The following GSE1 variants were observed in gnomAD, a reference collection of about 807,000 sequenced individuals.
GSE1 encodes genetic suppressor element 1.
Under a neutral mutation model 112.6 loss-of-function variants are expected in GSE1, and 32 were observed. The ratio of observed to expected loss-of-function variants is 0.28; its 90% CI spans 0.21 to 0.38. The LOEUF (loss-of-function observed/expected upper bound fraction) is 0.38, where lower values mean the gene tolerates loss of function less well. Ranked by LOEUF, GSE1 falls within the 10% of genes least tolerant of loss-of-function variation. The pLI, the probability that GSE1 is intolerant of heterozygous loss-of-function variation, is 1.00. For synonymous variants in GSE1, 1,115 were observed against 735.6 expected, an observed-to-expected ratio of 1.52 and a Z score of -8.35; for missense variants, 2,348 against 1,699.2, an observed-to-expected ratio of 1.38 and a Z score of -6.71.
At chr16:85,610,369 G>A (rs531921737), upstream of GSE1, among the ~76,000 whole-genome samples, 2 of 152,364 alleles carry the variant, frequency 1.3e-5, no homozygotes, top group South Asian at 2.1e-4. Context: ...CACTATCTGG[G>A]GGCGCGGGGC....
intron 1 of GSE1, among the ~76,000 whole-genome samples, chr16:85,589,813 TGA>T (rs1274084170): frequency 9.0e-5 from 13 of 144,330 alleles, no homozygotes; most frequent in Non-Finnish European, 1.3e-4. Context: ...TGTGTGAATG[TGA>T]GTGTGAATAT....
At chr16:85,305,446 G>A (rs2045650868) in intron 1 of GSE1, among the ~76,000 whole-genome samples, 1 of 146,260 alleles carries the variant, frequency 6.8e-6, no homozygotes, top group East Asian at 2.1e-4. Context: ...CACATGCCCA[G>A]CCAGCATCAG....
Position 85,633,901 on chromosome 16 carries a change from T to C in GSE1, c.8-13T>C. 6.2e-7 allele frequency: 1 copy of C among 1,603,386 alleles called. No individual in the cohort carries two copies. The highest frequency in any genetic ancestry group is 1.3e-5 in the African/African-American group (1 of 74,510). ...TCTCTGGGTGACCTCTGGTTCTTCT[T>C]TTCCTGTTTCAGGCATGAGCCATGA... On this transcript the variant is annotated splice_polypyrimidine_tract_variant and intron_variant, in intron 1 of 15. Coordinates refer to ENST00000253458, the MANE Select transcript of GSE1 (RefSeq NM_014615.5).
At chr16:85,589,894 G>A (rs923342647) in intron 1 of GSE1, among the ~76,000 whole-genome samples, 1 of 152,084 alleles carries the variant, frequency 6.6e-6, no homozygotes, top group African/African-American at 2.4e-5. Context: ...GTGAAGGAAT[G>A]TGTGTGATGT....
At chr16:85,608,894 C>T (rs550968989), upstream of GSE1, among the ~76,000 whole-genome samples, 3 of 152,358 alleles carry the variant, frequency 2.0e-5, no homozygotes, top group Admixed American at 6.5e-5. Flanking sequence ...AGGTGACATG[C>T]AGTTCCTACG....
chr16:85,215,322 C>T (rs2075289990), intron 1 of GSE1, among the ~76,000 whole-genome samples: 1 of 152,168 alleles, frequency 6.6e-6, no homozygotes, highest in African/African-American at 2.4e-5. Flanking sequence ...CAAAACCATA[C>T]GTTCTCACTT....
intron 1 of GSE1, among the ~76,000 whole-genome samples, chr16:85,559,227 C>T (rs1379294284): frequency 6.6e-6 from 1 of 152,162 alleles, no homozygotes; most frequent in African/African-American, 2.4e-5. Context: ...ATCTCACTTC[C>T]TCTCTCTGAG....
intron 1 of GSE1, among the ~76,000 whole-genome samples, chr16:85,273,836 C>G (rs1430088060): frequency 6.6e-6 from 1 of 151,552 alleles, no homozygotes; most frequent in Admixed American, 6.6e-5. Context: ...ATTACAGGTA[C>G]CTGCCACGAC....
chr16:85,271,081 T>G (rs758559472), intron 1 of GSE1, among the ~76,000 whole-genome samples: 2 of 152,246 alleles, frequency 1.3e-5, no homozygotes, highest in Non-Finnish European at 2.9e-5. Context: ...GCAGCCCACC[T>G]GGCCTCAGGG....
chr16:85,616,658 G>T (rs1218963745), intron 1 of GSE1, among the ~76,000 whole-genome samples: 2 of 152,034 alleles, frequency 1.3e-5, no homozygotes, highest in Non-Finnish European at 2.9e-5. Flanking sequence ...TCAGCTTGGT[G>T]GCTGTGCCGA....
chr16:85,629,039 G>C (rs1399283329), intron 1 of GSE1, among the ~76,000 whole-genome samples: 1 of 152,178 alleles, frequency 6.6e-6, no homozygotes, highest in East Asian at 1.9e-4. Context: ...CAAGATCTGG[G>C]TGTTTAAAAG....
chr16:85,169,601 C>T (rs1349229572), exon 1 of GSE1: 9 of 982,258 alleles, frequency 9.2e-6, no homozygotes, highest in Admixed American at 6.2e-5. Flanking sequence ...GCGGGCGGCG[C>T]GCCGCTCTCC....
chr16:85,665,348 C>T (rs2052756972), intron 12 of GSE1, among the ~76,000 whole-genome samples: 1 of 152,232 alleles, frequency 6.6e-6, no homozygotes, highest in Non-Finnish European at 1.5e-5. Flanking sequence ...GAGGGTCTGG[C>T]TTCTGTGGAG....
At chr16:85,443,663 A>G (rs1279618557) in intron 2 of GSE1, among the ~76,000 whole-genome samples, 1 of 152,264 alleles carries the variant, frequency 6.6e-6, no homozygotes, top group Middle Eastern at 3.2e-3. Flanking sequence ...GAGGCCTGGC[A>G]GCAGGAGGTG....
intron 1 of GSE1, among the ~76,000 whole-genome samples, chr16:85,200,271 C>A (rs55840020): frequency 1.3e-5 from 2 of 151,840 alleles, no homozygotes; most frequent in East Asian, 1.9e-4. Flanking sequence ...CCTCATAGAA[C>A]CCTTGGATGT....
intron 2 of GSE1, among the ~76,000 whole-genome samples, chr16:85,397,680 C>T (rs1228378426): frequency 2.0e-5 from 3 of 152,220 alleles, no homozygotes; most frequent in African/African-American, 7.2e-5. Context: ...CCATCTGGCC[C>T]CCTCTGGAGG....
chr16:85,504,938 A>G (rs1446774926), intron 2 of GSE1, among the ~76,000 whole-genome samples: 1 of 152,212 alleles, frequency 6.6e-6, no homozygotes, highest in African/African-American at 2.4e-5. Context: ...AAAGGAAGTT[A>G]TGACGATGAA....
intron 1 of GSE1, among the ~76,000 whole-genome samples, chr16:85,236,807 G>A (rs1203984286): frequency 6.6e-6 from 1 of 152,050 alleles, no homozygotes; most frequent in Admixed American, 6.6e-5. Flanking sequence ...CCTCTAAGGT[G>A]TGCCTCCCCT....
chr16:85,407,306 C>CT (rs1194312302), intron 2 of GSE1, among the ~76,000 whole-genome samples: 21 of 39,984 alleles, frequency 5.3e-4, no homozygotes, highest in African/African-American at 7.3e-4. Flanking sequence ...TCAGGCCCCC[C>CT]GGATAATCCT....
Sources: gnomAD v4.1 joint callset for allele counts (sites outside exome capture counted in the v4.1 genomes callset) on GRCh38, gnomAD v4.1.1 for gene constraint, MANE v1.5 for transcripts, NCBI Gene and HGNC (gene_info 2026-07-23, HGNC 2026-07-21) for gene names.